RALGAPA1: variants seen among roughly 807,000 people sequenced by gnomAD.
RALGAPA1 encodes the protein Ral GTPase activating protein catalytic subunit alpha 1, also known as ral GTPase-activating protein subunit alpha-1.
RALGAPA1 carries 52 observed loss-of-function variants against 269.6 expected under a neutral mutation model. That is an observed-to-expected ratio of 0.19 (90% CI 0.15 to 0.24). RALGAPA1 has a LOEUF of 0.24. Among genes scored for constraint, RALGAPA1 ranks in the 10% least tolerant of loss-of-function variants. The pLI is 1.00. For synonymous variants in RALGAPA1, 817 were observed against 1,008.3 expected (o/e 0.81, Z 3.60); for missense variants, 1,917 against 3,013.9 (o/e 0.64, Z 8.52).
At position 35,554,080 on chromosome 14, in the gene RALGAPA1, T is replaced by A. The variant is rs563230594; in HGVS notation, c.7497-4846A>T. On this transcript the variant is annotated intron_variant, in intron 39 of 41. Transcript: ENST00000680220. ...TACTTAGAAATGTTGCCTACTGATT[T>A]AAAAAAAATTTTTGGTGAGTACAAC... Among the ~76,000 whole-genome samples, 320 of 152,184 alleles carry A rather than the reference T, an allele frequency of 2.1e-3. 4 individuals are homozygous for A. Among genetic ancestry groups the A allele is most frequent in the African/African-American group, 7.4e-3 (307 of 41,520 alleles).
At chr14:35,699,075 T>C (rs1285096584) in intron 17 of RALGAPA1, among the ~76,000 whole-genome samples, 1 of 152,180 alleles carries the variant, frequency 6.6e-6, no homozygotes, top group African/African-American at 2.4e-5. Context: ...ACTTACTGGA[T>C]ATTAAGGTTT....
At chr14:35,777,190 A>T (rs2075102964) in intron 1 of RALGAPA1, among the ~76,000 whole-genome samples, 1 of 152,286 alleles carries the variant, frequency 6.6e-6, no homozygotes, top group Non-Finnish European at 1.5e-5. Context: ...TACCATTTTT[A>T]AGTGCTACCA....
At chr14:35,797,973 A>G (rs1395016626) in intron 1 of RALGAPA1, among the ~76,000 whole-genome samples, 1 of 151,604 alleles carries the variant, frequency 6.6e-6, no homozygotes, top group African/African-American at 2.4e-5. Context: ...CCTGGGCTCA[A>G]GCAATCCTCC....
intron 37 of RALGAPA1, among the ~76,000 whole-genome samples, chr14:35,590,303 A>T (rs986461811): frequency 6.6e-6 from 1 of 152,198 alleles, no homozygotes; most frequent in Non-Finnish European, 1.5e-5. Flanking sequence ...CCTAGCTATT[A>T]TCCATTTATT....
intron 13 of RALGAPA1, among the ~76,000 whole-genome samples, chr14:35,726,140 T>C (rs1433738461): frequency 6.6e-6 from 1 of 152,178 alleles, no homozygotes; most frequent in Admixed American, 6.5e-5. Context: ...ACAGTCACTG[T>C]GAGAAATGTG....
chr14:35,800,537 TAAATGA>T (rs1281452974), intron 1 of RALGAPA1, among the ~76,000 whole-genome samples: 1 of 152,148 alleles, frequency 6.6e-6, no homozygotes. Flanking sequence ...ATTTTGGAAC[TAAATGA>T]AAATGAAAAT....
intron 4 of RALGAPA1, among the ~76,000 whole-genome samples, chr14:35,769,905 T>A (rs546767931): frequency 6.6e-6 from 1 of 152,194 alleles, no homozygotes; most frequent in African/African-American, 2.4e-5. Context: ...CTACCACTCA[T>A]TCACAAACTG....
chr14:35,646,648 T>C (rs1264911585), intron 31 of RALGAPA1, among the ~76,000 whole-genome samples: 1 of 152,138 alleles, frequency 6.6e-6, no homozygotes, highest in East Asian at 1.9e-4. Flanking sequence ...AAGGCATAAT[T>C]TGGGAATTTC....
chr14:35,640,877 C>T (rs2061983344), intron 31 of RALGAPA1, among the ~76,000 whole-genome samples: 1 of 152,154 alleles, frequency 6.6e-6, no homozygotes, highest in Non-Finnish European at 1.5e-5. Flanking sequence ...AAATATCACT[C>T]ACCATGACCA....
intron 22 of RALGAPA1, chr14:35,677,495 A>G (rs1262281019): frequency 6.5e-6 from 1 of 153,956 alleles, no homozygotes; most frequent in Non-Finnish European, 1.4e-5. Context: ...CTACTTTTAA[A>G]TTAAATTTAG....
chr14:35,576,149 TATTTC>T (rs1018333666), intron 37 of RALGAPA1, among the ~76,000 whole-genome samples: 2 of 152,228 alleles, frequency 1.3e-5, no homozygotes, highest in African/African-American at 4.8e-5. Context: ...AGTTTACTAA[TATTTC>T]TATTAAACTT....
At chr14:35,772,076 G>A (rs1254230623) in intron 3 of RALGAPA1, among the ~76,000 whole-genome samples, 1 of 151,962 alleles carries the variant, frequency 6.6e-6, no homozygotes, top group African/African-American at 2.4e-5. Context: ...TTTTTAAGAG[G>A]TGGGGGTTTC....
intron 39 of RALGAPA1, among the ~76,000 whole-genome samples, chr14:35,562,921 T>C (rs2056389228): frequency 6.8e-6 from 1 of 146,410 alleles, no homozygotes; most frequent in South Asian, 2.2e-4. Context: ...CTCGGGAGGC[T>C]GAGGCAGGAG....
intron 21 of RALGAPA1, among the ~76,000 whole-genome samples, chr14:35,681,783 C>T (rs1008063500): frequency 6.6e-6 from 1 of 152,068 alleles, no homozygotes; most frequent in Admixed American, 6.6e-5. Flanking sequence ...TTTCTTATGC[C>T]CATCTGTAGT....
intron 10 of RALGAPA1, among the ~76,000 whole-genome samples, chr14:35,746,872 A>G (rs1438675679): frequency 6.6e-6 from 1 of 152,054 alleles, no homozygotes; most frequent in Non-Finnish European, 1.5e-5. Flanking sequence ...TATACATGTT[A>G]AAACTTATAC....
intron 25 of RALGAPA1, among the ~76,000 whole-genome samples, chr14:35,672,560 T>C (rs2064559724): frequency 6.6e-6 from 1 of 152,034 alleles, no homozygotes; most frequent in Admixed American, 6.6e-5. Context: ...TACATTAGAA[T>C]ATTATTAAAG....
chr14:35,620,160 C>T (rs1286469392), intron 35 of RALGAPA1, among the ~76,000 whole-genome samples: 1 of 152,166 alleles, frequency 6.6e-6, no homozygotes, highest in African/African-American at 2.4e-5. Context: ...AGCTTATTCA[C>T]CACGATCAAG....
intron 31 of RALGAPA1, among the ~76,000 whole-genome samples, chr14:35,637,421 T>A (rs1408495487): frequency 2.0e-5 from 3 of 152,086 alleles, no homozygotes; most frequent in African/African-American, 7.2e-5. Flanking sequence ...AAAATGCAAC[T>A]AGTGTACTGA....
At chr14:35,700,123 T>A (rs2067223353) in intron 17 of RALGAPA1, 39 bp downstream of exon 17, 2 of 1,492,606 alleles carry the variant, frequency 1.3e-6, no homozygotes, top group Non-Finnish European at 1.8e-6. Context: ...GATTAAAAAG[T>A]GAAAAAGGTG....
Sources: gnomAD v4.1 joint callset for allele counts (sites outside exome capture counted in the v4.1 genomes callset) on GRCh38, gnomAD v4.1.1 for gene constraint, MANE v1.5 for transcripts, NCBI Gene and HGNC (gene_info 2026-07-23, HGNC 2026-07-21) for gene names.